DIP2C: variants seen among roughly 807,000 people sequenced by gnomAD.
The protein encoded by DIP2C is disco-interacting protein 2 homolog C.
DIP2C carries 33 observed loss-of-function variants against 192.4 expected under a neutral mutation model. The observed-to-expected ratio is 0.17, with a 90% confidence interval of 0.13 to 0.23. The LOEUF (loss-of-function observed/expected upper bound fraction) is 0.23, where lower values mean the gene tolerates loss of function less well. Among genes scored for constraint, DIP2C ranks in the 10% least tolerant of loss-of-function variants. DIP2C has a pLI of 1.00. For missense variants in DIP2C, 1,537 were observed against 2,110.1 expected (o/e 0.73, Z 5.32); for synonymous variants, 979 against 864.1 (o/e 1.13, Z -2.33).
intron 1 of DIP2C, among the ~76,000 whole-genome samples, chr10:579,365 AAAC>A (rs999659105): frequency 1.1e-4 from 16 of 151,828 alleles, no homozygotes; most frequent in African/African-American, 3.9e-4. Flanking sequence ...TGTAGTGTAC[AAAC>A]AAGTTCACTA....
chr10:355,834 T>C (rs1959055420), intron 24 of DIP2C, among the ~76,000 whole-genome samples: 1 of 152,254 alleles, frequency 6.6e-6, no homozygotes, highest in Admixed American at 6.5e-5. Flanking sequence ...CCCAGCACTT[T>C]GGGAGGCCAA....
intron 10 of DIP2C, among the ~76,000 whole-genome samples, chr10:395,849 C>T (rs1319947497): frequency 2.6e-5 from 4 of 152,174 alleles, no homozygotes; most frequent in Non-Finnish European, 4.4e-5. Context: ...GTCACTGACA[C>T]GTAAGTCCCC....
In DIP2C at chr10:370,659, A is replaced by C. The variant is rs186293201; in HGVS notation, c.1992-1026T>G. ...GTTAAAATCTAAGATCACGGATTACATTCCTGAAAACTAACAATTCCTCAA... is the reference window on the plus strand; with the variant it reads ...GTTAAAATCTAAGATCACGGATTACCTTCCTGAAAACTAACAATTCCTCAA... On this transcript the variant is annotated intron_variant, in intron 17 of 36. Coordinates refer to ENST00000280886, the MANE Select transcript of DIP2C (RefSeq NM_014974.3). Among the ~76,000 whole-genome samples the C allele has an allele frequency of 6.6e-4, 101 of 152,380 alleles. 1 individual carries two copies. The highest frequency in any genetic ancestry group is 2.3e-3 in the African/African-American group (95 of 41,590).
At chr10:619,537 G>GCCCACCCTCCCACCCT (rs528029497) in intron 1 of DIP2C, among the ~76,000 whole-genome samples, 51 of 51,384 alleles carry the variant, frequency 9.9e-4, no homozygotes, top group African/African-American at 2.6e-3. Flanking sequence ...AAGCCCGCCC[G>GCCCACCCTCCCACCCT]CCCGCCCTCC....
chr10:518,037 G>T (rs1030986659), intron 1 of DIP2C, among the ~76,000 whole-genome samples: 3 of 152,230 alleles, frequency 2.0e-5, no homozygotes, highest in African/African-American at 7.2e-5. Context: ...TGGGCGTGGG[G>T]TTGAGGGAAC....
intron 1 of DIP2C, among the ~76,000 whole-genome samples, chr10:549,754 G>A (rs1165765868): frequency 2.0e-5 from 3 of 152,142 alleles, no homozygotes; most frequent in Non-Finnish European, 4.4e-5. Context: ...CTGAAAGCTC[G>A]CAGCAAGTCC....
intron 1 of DIP2C, among the ~76,000 whole-genome samples, chr10:565,084 C>T (rs908198983): frequency 1.3e-5 from 2 of 152,066 alleles, no homozygotes; most frequent in East Asian, 1.9e-4. Context: ...TAGGAGAGGG[C>T]GGTTCCATCA....
At chr10:425,021 G>A (rs535811507) in intron 4 of DIP2C, among the ~76,000 whole-genome samples, 8 of 138,816 alleles carry the variant, frequency 5.8e-5, no homozygotes, top group East Asian at 2.2e-4. Context: ...TGACTAATAC[G>A]ACACGGATGA....
At chr10:373,530 G>A (rs1196662556) in intron 17 of DIP2C, among the ~76,000 whole-genome samples, 2 of 152,204 alleles carry the variant, frequency 1.3e-5, no homozygotes, top group Non-Finnish European at 2.9e-5. Flanking sequence ...TAATGTAAGA[G>A]TCTCAGAACA....
Position 520,331 on chromosome 10 carries a change from C to A in DIP2C, c.86-33801G>T, listed in dbSNP as rs539315228. ...AGAGCCGACAGCAACTGAAATACAG[C>A]ACTTTCCGAAGACGTGTGCGTTACC... is the stretch of plus-strand genomic sequence containing the variant. On this transcript the variant is annotated intron_variant, in intron 1 of 36. Coordinates refer to ENST00000280886, the MANE Select transcript of DIP2C (RefSeq NM_014974.3). 2.6e-5 allele frequency among the ~76,000 whole-genome samples: 4 copies of A among 152,334 alleles called. No individual in the cohort carries two copies. The East Asian group carries it at 7.7e-4, about 29-fold the overall frequency.
intron 2 of DIP2C, among the ~76,000 whole-genome samples, chr10:485,715 G>A (rs1843967565): frequency 6.6e-6 from 1 of 152,226 alleles, no homozygotes; most frequent in African/African-American, 2.4e-5. Context: ...TAAGAACTAT[G>A]CAAGTTCAAT....
chr10:432,776 T>A (rs143027200), intron 4 of DIP2C, among the ~76,000 whole-genome samples: 3 of 152,322 alleles, frequency 2.0e-5, no homozygotes, highest in South Asian at 2.1e-4. Flanking sequence ...AACATATGCA[T>A]TTAAAGCTAT....
chr10:360,373 T>C (rs1424138824), intron 22 of DIP2C, among the ~76,000 whole-genome samples: 1 of 152,192 alleles, frequency 6.6e-6, no homozygotes, highest in East Asian at 1.9e-4. Flanking sequence ...GCTACAGAGT[T>C]GAGAGGAATC....
At chr10:513,286 A>G (rs1223411115) in intron 1 of DIP2C, among the ~76,000 whole-genome samples, 4 of 152,168 alleles carry the variant, frequency 2.6e-5, no homozygotes, top group Non-Finnish European at 5.9e-5. Context: ...CTTAGGGGAA[A>G]AGTTACTACA....
Position 588,524 on chromosome 10 carries a change from C to T in DIP2C, c.85+100970G>A, listed in dbSNP as rs144208761. On this transcript the variant is annotated intron_variant, in intron 1 of 36. Coordinates refer to ENST00000280886, the MANE Select transcript of DIP2C (RefSeq NM_014974.3). ...CCGAATCTGAGGTCGCAGCTGCCTG[C>T]GGCTTGGGTCCCTGCCGGGAAAGTG... Among the ~76,000 whole-genome samples the T allele has an allele frequency of 1.7e-3, 257 of 152,350 alleles. 2 individuals are homozygous for T. In the Middle Eastern group the frequency reaches 0.02, roughly 12 times the overall value.
chr10:384,278 T>C, intron 15 of DIP2C, 132 bp from the exon 16 acceptor site: 1 of 1,113,306 alleles, frequency 9.0e-7, no homozygotes, highest in Non-Finnish European at 1.2e-6. Context: ...AACCTTTTTT[T>C]TTTTTTTTTT....
intron 1 of DIP2C, among the ~76,000 whole-genome samples, chr10:582,926 G>C (rs1483046045): frequency 6.6e-6 from 1 of 152,218 alleles, no homozygotes; most frequent in African/African-American, 2.4e-5. Flanking sequence ...TAAAATTTCT[G>C]ATGTATATTC....
chr10:543,325 G>T (rs561089282), intron 1 of DIP2C, among the ~76,000 whole-genome samples: 34 of 152,348 alleles, frequency 2.2e-4, no homozygotes, highest in Middle Eastern at 3.4e-3. Context: ...TAGCGAGAAC[G>T]TACACAGACA....
At chr10:351,441 G>A (rs1232067753) in intron 24 of DIP2C, among the ~76,000 whole-genome samples, 3 of 152,182 alleles carry the variant, frequency 2.0e-5, no homozygotes. Context: ...CCAGGACCAG[G>A]GCTGCGGGGA....
Sources: allele counts gnomAD v4.1 joint callset (sites outside exome capture counted in the v4.1 genomes callset), GRCh38; gene constraint gnomAD v4.1.1; transcripts MANE v1.5; gene names NCBI Gene and HGNC (gene_info 2026-07-23, HGNC 2026-07-21).